ADGRL2: variants seen among roughly 807,000 people sequenced by gnomAD.
The protein encoded by ADGRL2 is calcium-independent alpha-latrotoxin receptor 2.
Under a neutral mutation model 157.4 loss-of-function variants are expected in ADGRL2, and 44 were observed. The ratio of observed to expected loss-of-function variants is 0.28; its 90% confidence interval spans 0.22 to 0.36. The LOEUF (loss-of-function observed/expected upper bound fraction) is 0.36. Ranked by LOEUF, ADGRL2 falls within the 10% of genes least tolerant of loss-of-function variation. ADGRL2 has a pLI of 1.00. For missense variants in ADGRL2, 1,510 were observed against 1,768.9 expected, an observed-to-expected ratio of 0.85 and a Z score of 2.63; for synonymous variants, 585 against 624.7, an observed-to-expected ratio of 0.94 and a Z score of 0.95.
rs560927593 is a variant in ADGRL2, at chr1:81,516,277, G to A, written c.-247-64599G>A. The stretch of plus-strand genomic sequence containing the variant: ...AATAGATGTATGCCTCTGCTTCTAT[G>A]ACCTTTACTTGATCCTTGTCAGGGC... On this transcript the variant is annotated intron_variant, in intron 2 of 24. Coordinates refer to the ADGRL2 transcript ENST00000370721. 3.3e-5 allele frequency among the ~76,000 whole-genome samples: 5 copies of A among 152,164 alleles called. No homozygotes were observed. The South Asian group carries it at 1.0e-3, about 32-fold the overall frequency.
chr1:81,604,854 C>T (rs1357214542), intron 3 of ADGRL2, among the ~76,000 whole-genome samples: 1 of 152,106 alleles, frequency 6.6e-6, no homozygotes, highest in Admixed American at 6.6e-5. Context: ...TGAAAAAGTA[C>T]CCCTGTTCTA....
At chr1:81,763,398 A>C (rs1361152629) in intron 2 of ADGRL2, among the ~76,000 whole-genome samples, 1 of 151,828 alleles carries the variant, frequency 6.6e-6, no homozygotes, top group African/African-American at 2.4e-5. Context: ...CAGCCTGGTC[A>C]ACATGGTGAA....
chr1:81,455,225 A>G (rs1480061867), intron 2 of ADGRL2, among the ~76,000 whole-genome samples: 1 of 152,224 alleles, frequency 6.6e-6, no homozygotes, highest in Non-Finnish European at 1.5e-5. Flanking sequence ...CAAAGCACAA[A>G]TTGGTATAAC....
intron 1 of ADGRL2, among the ~76,000 whole-genome samples, chr1:81,746,806 A>G (rs1158281514): frequency 6.6e-6 from 1 of 151,426 alleles, no homozygotes; most frequent in Non-Finnish European, 1.5e-5. Flanking sequence ...TCTCTCTGAG[A>G]ATTAGTATAC....
intron 3 of ADGRL2, among the ~76,000 whole-genome samples, chr1:81,652,082 G>A (rs1290178173): frequency 6.6e-6 from 1 of 151,994 alleles, no homozygotes. Flanking sequence ...TACTACCTTA[G>A]AATCTAGACC....
At chr1:81,588,713 A>C (rs2081074356) in intron 3 of ADGRL2, among the ~76,000 whole-genome samples, 4 of 152,140 alleles carry the variant, frequency 2.6e-5, no homozygotes, top group African/African-American at 9.7e-5. Context: ...GGGAATACCA[A>C]GATGCGGCTC....
intron 2 of ADGRL2, among the ~76,000 whole-genome samples, chr1:81,559,726 T>G (rs944931248): frequency 1.3e-5 from 2 of 152,206 alleles, no homozygotes; most frequent in Admixed American, 6.5e-5. Context: ...GCAGGTGTTA[T>G]GTTTTTCATC....
chr1:81,412,180 G>C (rs959334592), intron 1 of ADGRL2, among the ~76,000 whole-genome samples: 4 of 152,120 alleles, frequency 2.6e-5, no homozygotes, highest in Non-Finnish European at 5.9e-5. Context: ...ATTTCCCTTA[G>C]GTTAACAGGT....
chr1:81,622,512 C>T (rs529304742), intron 3 of ADGRL2, among the ~76,000 whole-genome samples: 25 of 152,246 alleles, frequency 1.6e-4, no homozygotes, highest in Non-Finnish European at 3.1e-4. Context: ...ACCTGGGAGG[C>T]GGAAGTTTCA....
chr1:81,355,003 C>T (rs980421771), intron 1 of ADGRL2, among the ~76,000 whole-genome samples: 2 of 152,226 alleles, frequency 1.3e-5, no homozygotes, highest in South Asian at 2.1e-4. Flanking sequence ...GAAAAAAATA[C>T]GTGCCAGGCA....
At chr1:81,748,339 C>G (rs542654470) in intron 1 of ADGRL2, among the ~76,000 whole-genome samples, 7 of 151,312 alleles carry the variant, frequency 4.6e-5, no homozygotes, top group Admixed American at 4.6e-4. Flanking sequence ...TAGCTGGGCA[C>G]GCGCCTATAA....
intron 2 of ADGRL2, among the ~76,000 whole-genome samples, chr1:81,445,314 T>G (rs1314427892): frequency 6.6e-6 from 1 of 152,224 alleles, no homozygotes; most frequent in African/African-American, 2.4e-5. Flanking sequence ...ATTCGTTGTA[T>G]GTTGCTTAAG....
At chr1:81,860,768 G>A (rs545875712) in intron 2 of ADGRL2, among the ~76,000 whole-genome samples, 1 of 152,118 alleles carries the variant, frequency 6.6e-6, no homozygotes, top group Admixed American at 6.5e-5. Flanking sequence ...TATTTATGCT[G>A]ACTTTCAGCC....
intron 2 of ADGRL2, among the ~76,000 whole-genome samples, chr1:81,528,650 A>G (rs1407565920): frequency 1.3e-3 from 43 of 33,074 alleles, no homozygotes; most frequent in Non-Finnish European, 2.7e-3. Flanking sequence ...CCATCTCAAA[A>G]AAAAAAAAAA....
intron 1 of ADGRL2, among the ~76,000 whole-genome samples, chr1:81,802,373 A>G (rs1571295065): frequency 6.6e-6 from 1 of 151,844 alleles, no homozygotes; most frequent in South Asian, 2.1e-4. Context: ...CGGCTGGCCC[A>G]GGGGGAGACC....
At position 81,717,452 on chromosome 1, in the gene ADGRL2, A is replaced by T. The variant is rs186315803; in HGVS notation, c.-143+17644A>T. Among the ~76,000 whole-genome samples the T allele has an allele frequency of 2.8e-3, 426 of 152,330 alleles. 2 individuals are homozygous for T. The highest frequency in any genetic ancestry group is 3.1e-3 in the Non-Finnish European group (210 of 68,024). ...TCTTGTTTGATTTGGCAATGAAGTG[A>T]AATGTCAATAGGCTTCCTATTTTGA... On this transcript the variant is annotated intron_variant, in intron 1 of 20. Transcript: ENST00000359929.
At chr1:81,760,689 C>G (rs1291340335) in intron 1 of ADGRL2, among the ~76,000 whole-genome samples, 1 of 150,542 alleles carries the variant, frequency 6.6e-6, no homozygotes, top group Non-Finnish European at 1.5e-5. Flanking sequence ...CTAGAACGTG[C>G]TGCCCTCTTC....
chr1:81,878,317 T>G (rs981436000), intron 2 of ADGRL2, among the ~76,000 whole-genome samples: 3 of 150,040 alleles, frequency 2.0e-5, no homozygotes, highest in Non-Finnish European at 4.4e-5. Flanking sequence ...TGAGAAGAAT[T>G]GATAGAAAGT....
intron 1 of ADGRL2, among the ~76,000 whole-genome samples, chr1:81,811,092 C>A (rs909459144): frequency 6.6e-6 from 1 of 151,726 alleles, no homozygotes; most frequent in Non-Finnish European, 1.5e-5. Flanking sequence ...AGATCTACAG[C>A]CTGAATATCT....
Sources: allele counts gnomAD v4.1 joint callset (sites outside exome capture counted in the v4.1 genomes callset), GRCh38; gene constraint gnomAD v4.1.1; transcripts MANE v1.5; gene names NCBI Gene and HGNC (gene_info 2026-07-23, HGNC 2026-07-21).